Variants in INSL6 observed in about 807,000 individuals in gnomAD.
The protein encoded by INSL6 is insulin-like peptide INSL6.
INSL6 carries 16 observed loss-of-function variants against 9.4 expected under a neutral mutation model. The observed-to-expected ratio is 1.70, with a 90% CI of 1.15 to 2.59. The LOEUF (loss-of-function observed/expected upper bound fraction) is 2.59. INSL6 is among the 30% of genes most tolerant of loss of function. The pLI, the probability that INSL6 is intolerant of heterozygous loss-of-function variation, is 0.00. For synonymous variants in INSL6, 154 were observed against 96.9 expected (o/e 1.59, Z -3.46); for missense variants, 391 against 257.3 (o/e 1.52, Z -3.56).
chr9:5,001,356 C>T, the INSL6 span, among the ~76,000 whole-genome samples: 2 of 151,980 alleles, frequency 1.3e-5, no homozygotes, highest in African/African-American at 4.8e-5. Context: ...TGAGGAAATT[C>T]CCTTCTTTTT....
the INSL6 span, among the ~76,000 whole-genome samples, chr9:5,031,935 TGA>T: frequency 6.6e-6 from 1 of 152,128 alleles, no homozygotes; most frequent in Non-Finnish European, 1.5e-5. Context: ...TGCAGCACAC[TGA>T]GCATGAGCCG....
the INSL6 span, among the ~76,000 whole-genome samples, chr9:5,078,707 C>T: frequency 6.6e-6 from 1 of 152,092 alleles, no homozygotes; most frequent in South Asian, 2.1e-4. Flanking sequence ...GGATTTTATC[C>T]ATTTTTAGTA....
the INSL6 span, among the ~76,000 whole-genome samples, chr9:5,116,501 C>CA: frequency 6.6e-6 from 1 of 152,052 alleles, no homozygotes; most frequent in African/African-American, 2.4e-5. Context: ...GCCATATCCC[C>CA]AGTGATACAT....
At chr9:5,058,142 T>C in the INSL6 span, among the ~76,000 whole-genome samples, 1 of 152,354 alleles carries the variant, frequency 6.6e-6, no homozygotes, top group Non-Finnish European at 1.5e-5. Context: ...GTAATGCTGC[T>C]GTGAACATGG....
At chr9:5,120,238 C>T (rs1823512042), downstream of INSL6, among the ~76,000 whole-genome samples, 2 of 152,196 alleles carry the variant, frequency 1.3e-5, no homozygotes, top group African/African-American at 4.8e-5. Flanking sequence ...CATGAAGCCT[C>T]TCATAAGGGC....
At chr9:5,064,810 A>C in the INSL6 span, 5 of 1,157,380 alleles carry the variant, frequency 4.3e-6, no homozygotes, top group Non-Finnish European at 5.9e-6. Flanking sequence ...ACATGGAATG[A>C]AGAAAATTTT....
At chr9:5,176,895 T>A (rs754692598) in intron 1 of INSL6, among the ~76,000 whole-genome samples, 1 of 152,090 alleles carries the variant, frequency 6.6e-6, no homozygotes, top group Non-Finnish European at 1.5e-5. Flanking sequence ...AGTCACTAAC[T>A]AGTAAATATA....
the INSL6 span, chr9:5,041,387 A>G: frequency 1.6e-6 from 1 of 628,824 alleles, no homozygotes; most frequent in African/African-American, 1.8e-5. Flanking sequence ...CAAGGAGCAG[A>G]GCCACTGCAA....
At chr9:5,005,073 T>A in the INSL6 span, among the ~76,000 whole-genome samples, 1 of 138,268 alleles carries the variant, frequency 7.2e-6, no homozygotes, top group Admixed American at 7.7e-5. Flanking sequence ...TGTGCCAGCA[T>A]GCCTGGCTAA....
At chr9:5,072,954 G>GA in the INSL6 span, among the ~76,000 whole-genome samples, 13,191 of 149,248 alleles carry the variant, frequency 0.088, 1,699 homozygotes, top group African/African-American at 0.29. Flanking sequence ...ACATTTATTT[G>GA]AAAAAAAAAC....
chr9:5,119,301 GAGGTATGTTTATTATGA>G (rs1823439719), downstream of INSL6, among the ~76,000 whole-genome samples: 1 of 151,936 alleles, frequency 6.6e-6, no homozygotes, highest in African/African-American at 2.4e-5. Context: ...CAAATGCATG[GAGGTATGTTTATTATGA>G]AGCTAATGAA....
the INSL6 span, chr9:5,081,849 G>A: frequency 6.2e-7 from 1 of 1,612,598 alleles, no homozygotes; most frequent in South Asian, 1.1e-5. Context: ...AATTTCTACA[G>A]CAACTTGGCA....
chr9:5,124,189 G>T (rs878899316), exon 4 of INSL6, among the ~76,000 whole-genome samples: 1 of 151,726 alleles, frequency 6.6e-6, no homozygotes, highest in Admixed American at 6.6e-5. Context: ...TATTGATTTT[G>T]CTATGCTGAA....
At chr9:5,047,055 G>C in the INSL6 span, among the ~76,000 whole-genome samples, 2 of 151,938 alleles carry the variant, frequency 1.3e-5, no homozygotes, top group Non-Finnish European at 2.9e-5. Flanking sequence ...GCATGGCAAG[G>C]TAATTCCACC....
chr9:5,000,677 G>C, the INSL6 span, among the ~76,000 whole-genome samples: 19 of 152,008 alleles, frequency 1.2e-4, no homozygotes, highest in Admixed American at 1.1e-3. Context: ...CATTTTTTTA[G>C]TGGAAGGTTT....
the INSL6 span, chr9:5,099,797 C>G: frequency 2.0e-5 from 3 of 152,214 alleles, no homozygotes; most frequent in Admixed American, 6.5e-5. Flanking sequence ...TTCACTGCCT[C>G]AACCAACCTC....
At chr9:5,138,045 C>G in intron 2 of INSL6, among the ~76,000 whole-genome samples, 1 of 152,150 alleles carries the variant, frequency 6.6e-6, no homozygotes, top group East Asian at 1.9e-4. Context: ...TCATCTCATG[C>G]CAGTTAGAAT....
At chr9:5,157,344 A>G (rs1211699815) in intron 2 of INSL6, among the ~76,000 whole-genome samples, 1 of 152,212 alleles carries the variant, frequency 6.6e-6, no homozygotes, top group Non-Finnish European at 1.5e-5. Context: ...TTTAATTTAA[A>G]GATGTAATAT....
chr9:5,167,080 G>C (rs1319170404), intron 1 of INSL6, among the ~76,000 whole-genome samples: 1 of 152,116 alleles, frequency 6.6e-6, no homozygotes, highest in African/African-American at 2.4e-5. Context: ...GGACTGACTA[G>C]GAGGTTGGCG....
Sources: gnomAD v4.1 joint callset for allele counts (sites outside exome capture counted in the v4.1 genomes callset) on GRCh38, gnomAD v4.1.1 for gene constraint, MANE v1.5 for transcripts, NCBI Gene and HGNC (gene_info 2026-07-23, HGNC 2026-07-21) for gene names.